ADAMTS3: variants seen among roughly 807,000 people sequenced by gnomAD.
The protein encoded by ADAMTS3 is ADAM metallopeptidase with thrombospondin type 1 motif 3.
In ADAMTS3, 73 loss-of-function variants were observed where a neutral mutation model predicts 129.0. The observed-to-expected ratio is 0.57, with a 90% CI of 0.47 to 0.69. The LOEUF (loss-of-function observed/expected upper bound fraction) is 0.69. Among genes scored for constraint, ADAMTS3 ranks in the 30% least tolerant of loss-of-function variants. ADAMTS3 has a pLI of 0.00. For missense variants in ADAMTS3, 1,457 were observed against 1,514.5 expected (o/e 0.96, Z 0.63); for synonymous variants, 477 against 510.8 (o/e 0.93, Z 0.89).
intron 4 of ADAMTS3, among the ~76,000 whole-genome samples, chr4:72,351,346 T>G (rs1180630162): frequency 1.3e-5 from 2 of 151,934 alleles, no homozygotes; most frequent in Non-Finnish European, 2.9e-5. Context: ...AACAGCCATT[T>G]AGCTTGCCCT....
At chr4:72,392,224 T>G (rs1055375270) in intron 4 of ADAMTS3, among the ~76,000 whole-genome samples, 3 of 152,180 alleles carry the variant, frequency 2.0e-5, no homozygotes, top group Non-Finnish European at 2.9e-5. Flanking sequence ...TGCTGATATT[T>G]CATAGGCTTC....
chr4:72,385,256 G>A (rs1361394646), intron 4 of ADAMTS3, among the ~76,000 whole-genome samples: 5 of 151,468 alleles, frequency 3.3e-5, no homozygotes, highest in Non-Finnish European at 7.4e-5. Context: ...TACATGAATT[G>A]GTACAATATT....
chr4:72,368,887 C>T (rs1174259850), intron 4 of ADAMTS3, among the ~76,000 whole-genome samples: 2 of 152,118 alleles, frequency 1.3e-5, no homozygotes, highest in African/African-American at 4.8e-5. Context: ...GGTATTATTT[C>T]CCCCCTTTTG....
rs147391078 is a variant in ADAMTS3 at position 72,291,023 on chromosome 4, A to G, written c.2763T>C (p.Cys921=). 355 of 1,613,914 alleles carry G rather than the reference A, an allele frequency of 2.2e-4. 1 individual carries two copies. The highest frequency in any genetic ancestry group is 2.9e-4 in the Non-Finnish European group (343 of 1,179,966). The change falls in exon 20 of 22, where the codon TGT becomes TGC. Residue 921 remains cysteine, a synonymous_variant. Transcript: ENST00000286657. ...AEEWEHCTKT[C]GSSGYQLRTV... is the part of the protein sequence containing the mutation. ...TGCGAAGCTGATAGCCAGAACTTCC[A>G]CAGGTTTTGGTGCAGTGTTCCCATT...
intron 3 of ADAMTS3, among the ~76,000 whole-genome samples, chr4:72,450,364 C>G (rs774308818): frequency 4.6e-5 from 7 of 151,820 alleles, no homozygotes; most frequent in Non-Finnish European, 7.4e-5. Flanking sequence ...GAAGAGCATG[C>G]AAGGCACCCC....
intron 3 of ADAMTS3, among the ~76,000 whole-genome samples, chr4:72,506,546 A>G (rs1233238828): frequency 2.0e-5 from 3 of 152,188 alleles, no homozygotes; most frequent in Non-Finnish European, 4.4e-5. Flanking sequence ...AGAATGGCTG[A>G]TTTTATATGA....
chr4:72,338,487 A>T (rs1053934186), intron 5 of ADAMTS3, among the ~76,000 whole-genome samples: 1 of 152,174 alleles, frequency 6.6e-6, no homozygotes, highest in African/African-American at 2.4e-5. Context: ...ATCTCAATAG[A>T]CCAAAATATA....
At chr4:72,388,044 C>G (rs1455283875) in intron 4 of ADAMTS3, among the ~76,000 whole-genome samples, 1 of 152,120 alleles carries the variant, frequency 6.6e-6, no homozygotes, top group African/African-American at 2.4e-5. Flanking sequence ...GACTGAAAAC[C>G]AGACTACTTT....
chr4:72,559,879 T>C (rs536894692), intron 2 of ADAMTS3, among the ~76,000 whole-genome samples: 1 of 151,832 alleles, frequency 6.6e-6, no homozygotes, highest in East Asian at 1.9e-4. Flanking sequence ...AGAGCTCATA[T>C]AGCCAAGACA....
chr4:72,354,693 G>T lies in ADAMTS3; in HGVS notation c.662-15000C>A, dbSNP rs75182775. ...TTTCATTGTTATTCTCAAGTCATTC[G>T]CTTATCTCAACATAATATATCCTTC... On this transcript the variant is annotated intron_variant, in intron 4 of 21. Transcript: ENST00000286657. Among the ~76,000 whole-genome samples the T allele has an allele frequency of 5.2e-3, 785 of 151,940 alleles. 1 individual carries two copies. Among genetic ancestry groups the T allele is most frequent in the African/African-American group, 0.018 (745 of 41,474 alleles).
At chr4:72,348,275 G>A (rs896270984) in intron 4 of ADAMTS3, among the ~76,000 whole-genome samples, 1 of 152,028 alleles carries the variant, frequency 6.6e-6, no homozygotes, top group East Asian at 1.9e-4. Context: ...GAGGGACAAG[G>A]CGAGGGAGGC....
chr4:72,297,650 C>T (rs1014728036), intron 18 of ADAMTS3, among the ~76,000 whole-genome samples: 2 of 152,024 alleles, frequency 1.3e-5, no homozygotes, highest in African/African-American at 4.8e-5. Context: ...GGAGGCAGCA[C>T]AGTGCAGTGA....
At chr4:72,479,551 G>T (rs559906417) in intron 3 of ADAMTS3, among the ~76,000 whole-genome samples, 74 of 152,290 alleles carry the variant, frequency 4.9e-4, no homozygotes, top group African/African-American at 1.6e-3. Context: ...ACTCAAGATG[G>T]ATTAAAGACT....
chr4:72,515,238 T>A (rs1419815225), intron 3 of ADAMTS3, among the ~76,000 whole-genome samples: 2 of 152,104 alleles, frequency 1.3e-5, no homozygotes, highest in Non-Finnish European at 2.9e-5. Flanking sequence ...TCTATCATTG[T>A]TGGACATTTG....
chr4:72,478,918 A>C (rs1422660532), intron 3 of ADAMTS3, among the ~76,000 whole-genome samples: 1 of 151,974 alleles, frequency 6.6e-6, no homozygotes, highest in Non-Finnish European at 1.5e-5. Context: ...CAGAGAGCCA[A>C]ATCATGAGTG....
chr4:72,316,689 T>A (rs1719405713), intron 10 of ADAMTS3, among the ~76,000 whole-genome samples: 1 of 115,200 alleles, frequency 8.7e-6, no homozygotes. Context: ...AGACACTATC[T>A]CAAAATAATA....
chr4:72,293,424 G>T (rs1404564095), intron 19 of ADAMTS3, among the ~76,000 whole-genome samples: 1 of 152,046 alleles, frequency 6.6e-6, no homozygotes, highest in South Asian at 2.1e-4. Context: ...AAGAGAGAAA[G>T]AAACCACAGT....
At chr4:72,368,460 T>C (rs904469991) in intron 4 of ADAMTS3, among the ~76,000 whole-genome samples, 2 of 152,226 alleles carry the variant, frequency 1.3e-5, no homozygotes, top group African/African-American at 4.8e-5. Flanking sequence ...AGACCAATTA[T>C]ATACTTAATT....
intron 4 of ADAMTS3, among the ~76,000 whole-genome samples, chr4:72,360,594 C>T (rs1008378508): frequency 6.6e-6 from 1 of 151,726 alleles, no homozygotes; most frequent in African/African-American, 2.4e-5. Flanking sequence ...GAGAAGATTG[C>T]CAGTGATTTC....
Sources: allele counts gnomAD v4.1 joint callset (sites outside exome capture counted in the v4.1 genomes callset), GRCh38; gene constraint gnomAD v4.1.1; transcripts MANE v1.5; gene names NCBI Gene and HGNC (gene_info 2026-07-23, HGNC 2026-07-21).